The following CHRNE variants were observed in gnomAD, a reference collection of about 807,000 sequenced individuals.
CHRNE encodes the protein acetylcholine receptor subunit epsilon.
In CHRNE, 58 loss-of-function variants were observed where a neutral mutation model predicts 56.5. The ratio of observed to expected loss-of-function variants is 1.03; its 90% CI spans 0.83 to 1.28. The LOEUF (loss-of-function observed/expected upper bound fraction) is 1.28. Among genes scored for constraint, CHRNE ranks in the 50% most tolerant of loss-of-function variants. The probability of loss-of-function intolerance (pLI) is 0.00; values close to 1 mark genes in which losing one functional copy is unlikely to be tolerated. For missense variants in CHRNE, 793 were observed against 688.9 expected, an observed-to-expected ratio of 1.15 and a Z score of -1.69; for synonymous variants, 385 against 297.9, an observed-to-expected ratio of 1.29 and a Z score of -3.01.
At chr17:4,901,888 C>CCA in intron 5 of CHRNE, 44 bp downstream of exon 5, 4 of 1,597,948 alleles carry the variant, frequency 2.5e-6, no homozygotes, top group Non-Finnish European at 3.4e-6. Context: ...CATAAGGCCC[C>CCA]CCCCCAACAA....
At chr17:4,899,819 C>A in intron 8 of CHRNE, 1 of 1,551,252 alleles carries the variant, frequency 6.4e-7, no homozygotes, top group Non-Finnish European at 8.7e-7. Context: ...ACTTCCACAG[C>A]TCCACCGAGG....
At position 4,898,733 on chromosome 17, in the gene CHRNE, G is replaced by C. The variant is rs559273758; in HGVS notation, c.*3C>G. On this transcript the variant is annotated 3_prime_UTR_variant, in exon 12 of 12. Coordinates refer to ENST00000649488, the MANE Select transcript of CHRNE (RefSeq NM_000080.4). ...ATGGGTGGGAAATTGAAGTCGGTGC[G>C]AGCTAAGGCTGGATACACGGCGCGT... The C allele has an allele frequency of 8.1e-6, 13 of 1,609,374 alleles. No homozygotes were observed. In the Admixed American group the frequency reaches 8.4e-5, roughly 10 times the overall value.
chr17:4,901,610 A>G lies in CHRNE; in HGVS notation c.516T>C (p.Asn172=), dbSNP rs143410438. 3 of 1,614,012 alleles carry G rather than the reference A, an allele frequency of 1.9e-6. No homozygotes were observed. Among genetic ancestry groups the G allele is most frequent in the Non-Finnish European group, 2.5e-6 (3 of 1,180,014 alleles). ...CAAAAGTGAACTCCACCTCTTCGGC[A>G]TTGTACGTCTGAGAGCTGCGGAGCC... The part of the protein sequence containing the change: ...CSLIFRSQTY[N]AEEVEFTFAV... Residue 172 remains asparagine, a synonymous_variant, in exon 6 of 12, where the codon AAT becomes AAC. Coordinates refer to ENST00000649488, the MANE Select transcript of CHRNE (RefSeq NM_000080.4).
intron 6 of CHRNE, 74 bp from the exon 7 acceptor site, chr17:4,901,264 G>C: frequency 3.9e-6 from 6 of 1,523,352 alleles, no homozygotes; most frequent in Non-Finnish European, 5.4e-6. Context: ...CTGAAGAGGA[G>C]GCTGCGGCTG....
At chr17:4,904,941 T>G (rs1970072960), upstream of CHRNE, among the ~76,000 whole-genome samples, 1 of 152,248 alleles carries the variant, frequency 6.6e-6, no homozygotes, top group Admixed American at 6.5e-5. Context: ...TGACCCAGCT[T>G]ACCTCTTTGC....
intron 11 of CHRNE, 51 bp from the exon 12 acceptor site, chr17:4,898,942 G>A (rs1454337710): frequency 6.4e-7 from 1 of 1,564,566 alleles, no homozygotes; most frequent in East Asian, 2.3e-5. Flanking sequence ...GGAGCCAGCG[G>A]CATGGGAGAC....
upstream of CHRNE, among the ~76,000 whole-genome samples, chr17:4,903,546 A>T (rs961321135): frequency 1.3e-5 from 2 of 152,158 alleles, no homozygotes; most frequent in Admixed American, 1.3e-4. Flanking sequence ...TTGCCGACAG[A>T]GTGGCAAAAA....
chr17:4,901,220 G>A (rs780681661), intron 6 of CHRNE, 30 bp from the exon 7 acceptor site: 1 of 1,592,622 alleles, frequency 6.3e-7, no homozygotes, highest in African/African-American at 1.3e-5. Context: ...TCAGCTGGCT[G>A]TCAGAGCGGG....
At chr17:4,903,528 T>C (rs1970046449), upstream of CHRNE, among the ~76,000 whole-genome samples, 1 of 152,168 alleles carries the variant, frequency 6.6e-6, no homozygotes, top group African/African-American at 2.4e-5. Flanking sequence ...AAGCTCACAA[T>C]GCCTTTCTTG....
Position 4,901,961 on chromosome 17 carries a change from G to C in CHRNE, c.471C>G (p.Phe157Leu), listed in dbSNP as rs1363407649. The C allele has an allele frequency of 1.2e-6, 2 of 1,613,342 alleles. No individual in the cohort carries two copies. The highest frequency in any genetic ancestry group is 1.1e-5 in the South Asian group (1 of 91,076). ...AAATAAGCGAACAGTTCTGCCAATC[G>C]AAGGGGAAGTAGGTGACCTCCACTG... is the stretch of plus-strand genomic sequence containing the variant. Reference protein sequence around the residue: ...VCAVEVTYFPFDWQNCSLIFR... With the variant: ...VCAVEVTYFPLDWQNCSLIFR... The change falls in exon 5 of 12, where the codon TTC becomes TTG. Residue 157 changes from phenylalanine (F) to leucine (L), a missense_variant. Phe to Leu is a conservative substitution (Grantham distance 22, BLOSUM62 0). Coordinates refer to ENST00000649488, the MANE Select transcript of CHRNE (RefSeq NM_000080.4).
intron 8 of CHRNE, chr17:4,900,419 A>G: frequency 4.5e-6 from 7 of 1,550,964 alleles, no homozygotes; most frequent in Non-Finnish European, 6.1e-6. Flanking sequence ...GAGCATGGCT[A>G]TGCCTGTGTG....
rs1970026437 is a variant in CHRNE at position 4,902,513 on chromosome 17, G to T, written c.190-19C>A. On this transcript the variant is annotated intron_variant, in intron 2 of 11. Coordinates refer to ENST00000649488, the MANE Select transcript of CHRNE (RefSeq NM_000080.4). This position sits in a 1 kb window ranked among gnomAD's most constrained non-coding sequence, Gnocchi z 4.0. ...TTTCATTCTGCAGATGGGAGATGGG[G>T]ATGATTGAAGTGAGATTTCAGGGCC... The T allele has an allele frequency of 6.2e-7, 1 of 1,614,174 alleles. No homozygotes were observed. Among genetic ancestry groups the T allele is most frequent in the East Asian group, 2.2e-5 (1 of 44,884 alleles).
In CHRNE at chr17:4,902,636, C is replaced by A; in HGVS notation, c.174G>T (p.Thr58=). 1 of 1,614,096 alleles carries A rather than the reference C, an allele frequency of 6.2e-7. No homozygotes were observed. The highest frequency in any genetic ancestry group is 8.5e-7 in the Non-Finnish European group (1 of 1,180,010). ...GGTAGCTTACCAGTGAGATGAGATT[C>A]GTCAGGGTGACCTTGAGGCTGATGG... ...TVTISLKVTL[T]NLISLNEKEE... The change falls in exon 2 of 12, where the codon ACG becomes ACT. Residue 58 remains threonine, a synonymous_variant. Coordinates refer to ENST00000649488, the MANE Select transcript of CHRNE (RefSeq NM_000080.4). The surrounding 1 kb of genome is among the most constrained non-coding windows in gnomAD (Gnocchi z 4.0).
chr17:4,902,533 AG>A lies in CHRNE; in HGVS notation c.190-40del. 6.2e-7 allele frequency: 1 copy of A among 1,614,126 alleles called. No individual in the cohort carries two copies. The highest frequency in any genetic ancestry group is 8.5e-7 in the Non-Finnish European group (1 of 1,179,998). Reference sequence around the variant, plus strand: ...ATGGGGATGATTGAAGTGAGATTTCAGGGCCAGAAGTGAGCTTTAGGACAGA... The same window carrying A: ...ATGGGGATGATTGAAGTGAGATTTCAGGCCAGAAGTGAGCTTTAGGACAGA... On this transcript the variant is annotated intron_variant, in intron 2 of 11. Transcript: ENST00000649488. This position sits in a 1 kb window ranked among gnomAD's most constrained non-coding sequence, Gnocchi z 4.0.
chr17:4,899,176 G>C (rs752553103), intron 10 of CHRNE, 22 bp downstream of exon 10: 1 of 1,345,722 alleles, frequency 7.4e-7, no homozygotes, highest in East Asian at 2.6e-5. Flanking sequence ...GCGGCCCCCC[G>C]GGCCAGGGCC....
At chr17:4,901,802 C>T in intron 5 of CHRNE, 130 bp downstream of exon 5, 1 of 1,405,708 alleles carries the variant, frequency 7.1e-7, no homozygotes, top group Non-Finnish European at 1.0e-6. Context: ...GAGCGTCCCA[C>T]CCAGTGCCTA....
Position 4,898,625 on chromosome 17 carries a change from CTG to C in CHRNE, c.*109_*110del, listed in dbSNP as rs1597612077. The C allele has an allele frequency of 1.4e-6, 2 of 1,413,480 alleles. No individual in the cohort carries two copies. The highest frequency in any genetic ancestry group is 5.0e-5 in the East Asian group (2 of 40,328). The allele number at this position is 1,413,480 out of a possible 1,614,324, so 87.6% of individuals were successfully genotyped here. A position where few individuals can be genotyped will look rare whatever the true frequency, so the allele number is the denominator to read the frequency against. ...ACACCATTCTTGTGAAGTTCACAAA[CTG>C]CAGATTGATCAGCAGGGGGAAGGGA... On this transcript the variant is annotated 3_prime_UTR_variant, in exon 12 of 12. Transcript: ENST00000649488.
At chr17:4,904,751 T>C (rs540565790), upstream of CHRNE, among the ~76,000 whole-genome samples, 145 of 152,346 alleles carry the variant, frequency 9.5e-4, no homozygotes, top group African/African-American at 3.4e-3. Context: ...TCCATCACCT[T>C]TGGGTCTCCT....
chr17:4,898,758 T>TA lies in CHRNE; in HGVS notation c.1459dup (p.Tyr487LeufsTer28). ...GAGCTAAGGCTGGATACACGGCGCG[T>TA]AGGGGAGATCAGGCACTCGGTTGAA... is the stretch of plus-strand genomic sequence containing the variant. On this transcript the variant is annotated frameshift_variant, in exon 12 of 12. Coordinates refer to ENST00000649488, the MANE Select transcript of CHRNE (RefSeq NM_000080.4). LOFTEE classifies it high-confidence loss of function. The TA allele has an allele frequency of 6.2e-7, 1 of 1,611,176 alleles. No individual in the cohort carries two copies. Among genetic ancestry groups the TA allele is most frequent in the Non-Finnish European group, 8.5e-7 (1 of 1,179,100 alleles).
Sources: gnomAD v4.1 joint callset for allele counts (sites outside exome capture counted in the v4.1 genomes callset) on GRCh38, gnomAD v4.1.1 for gene constraint, Gnocchi (gnomAD v3.1) non-coding constraint, MANE v1.5 for transcripts, NCBI Gene and HGNC (gene_info 2026-07-23, HGNC 2026-07-21) for gene names.